CDK12: variants seen among roughly 807,000 people sequenced by gnomAD.
CDK12 encodes the protein cyclin dependent kinase 12.
In CDK12, 17 loss-of-function variants were observed where a neutral mutation model predicts 133.8. The ratio of observed to expected loss-of-function variants is 0.13; its 90% CI spans 0.09 to 0.19. The LOEUF is 0.19. CDK12 is among the 10% of genes least tolerant of loss of function. The pLI is 1.00. For missense variants in CDK12, 1,508 were observed against 1,818.7 expected (o/e 0.83, Z 3.11); for synonymous variants, 694 against 683.6 (o/e 1.02, Z -0.24).
chr17:39,519,926 A>G (rs1190058817), intron 10 of CDK12, 30 bp from the exon 11 acceptor site: 1 of 1,612,942 alleles, frequency 6.2e-7, no homozygotes, highest in East Asian at 2.2e-5. Flanking sequence ...GGTCATTGTG[A>G]ACTTGTCCTT....
At chr17:39,522,900 A>C (rs1047476726) in intron 11 of CDK12, among the ~76,000 whole-genome samples, 1 of 151,760 alleles carries the variant, frequency 6.6e-6, no homozygotes, top group African/African-American at 2.4e-5. Flanking sequence ...AAAAATACAA[A>C]AAATTAACCA....
chr17:39,482,314 G>T (rs2050777364), intron 2 of CDK12, among the ~76,000 whole-genome samples: 1 of 151,930 alleles, frequency 6.6e-6, no homozygotes, highest in Non-Finnish European at 1.5e-5. Context: ...ACCTGGCCTT[G>T]CTCTGTTTTT....
intron 1 of CDK12, among the ~76,000 whole-genome samples, chr17:39,469,148 A>G (rs1446436534): frequency 1.3e-5 from 2 of 152,068 alleles, no homozygotes; most frequent in Non-Finnish European, 2.9e-5. Context: ...TTGTTTTGTC[A>G]CACATTGAGG....
intron 1 of CDK12, among the ~76,000 whole-genome samples, chr17:39,539,993 G>A (rs2055334559): frequency 6.6e-6 from 1 of 152,242 alleles, no homozygotes; most frequent in Admixed American, 6.5e-5. Flanking sequence ...TTGTTAAGCA[G>A]TAGCAGGGAA....
At chr17:39,477,012 C>G (rs2050266018) in intron 2 of CDK12, among the ~76,000 whole-genome samples, 1 of 150,844 alleles carries the variant, frequency 6.6e-6, no homozygotes, top group Non-Finnish European at 1.5e-5. Context: ...CCAAGTCCAG[C>G]CCTAATCTAA....
intron 2 of CDK12, among the ~76,000 whole-genome samples, chr17:39,473,535 G>A (rs1478537773): frequency 6.6e-6 from 1 of 152,056 alleles, no homozygotes; most frequent in Admixed American, 6.6e-5. Context: ...TTGAACCCAG[G>A]AGTTCAAGAC....
intron 2 of CDK12, among the ~76,000 whole-genome samples, chr17:39,472,442 G>A (rs1174854748): frequency 6.6e-6 from 1 of 151,980 alleles, no homozygotes; most frequent in Non-Finnish European, 1.5e-5. Flanking sequence ...GGGAGGCTAG[G>A]GCAGGCAGAT....
At chr17:39,525,622 G>T (rs1251115926) in intron 12 of CDK12, among the ~76,000 whole-genome samples, 1 of 152,154 alleles carries the variant, frequency 6.6e-6, no homozygotes, top group Non-Finnish European at 1.5e-5. Flanking sequence ...GAAAAATACA[G>T]ATAAAGTGAA....
At chr17:39,552,237 C>T (rs564849674) in intron 2 of CDK12, among the ~76,000 whole-genome samples, 3 of 152,262 alleles carry the variant, frequency 2.0e-5, no homozygotes, top group Non-Finnish European at 4.4e-5. Context: ...TCTAGGACCC[C>T]GTGCCTACTT....
chr17:39,551,147 G>T (rs1458360650), intron 2 of CDK12: 1 of 152,194 alleles, frequency 6.6e-6, no homozygotes, highest in Non-Finnish European at 1.5e-5. Flanking sequence ...GGAAAGGTAG[G>T]TAGGTGTTGG....
chr17:39,482,599 A>ATTTT lies in CDK12; in HGVS notation c.1932-7940_1932-7937dup, dbSNP rs71147345. On this transcript the variant is annotated intron_variant, in intron 2 of 13. Coordinates refer to ENST00000447079, the MANE Select transcript of CDK12 (RefSeq NM_016507.4). Reference sequence around the variant, plus strand: ...GCTGCCAAAGTGAACAATCAACTACATTTTTTTTTTTTTTTTTTTTTGAGG... The same window carrying ATTTT: ...GCTGCCAAAGTGAACAATCAACTACATTTTTTTTTTTTTTTTTTTTTTTTTGAGG... Among the ~76,000 whole-genome samples, 4 of 74,422 alleles carry ATTTT rather than the reference A, an allele frequency of 5.4e-5. 1 individual carries two copies. The highest frequency in any genetic ancestry group is 1.1e-4 in the Non-Finnish European group (4 of 37,772). 48.8% of individuals were successfully genotyped at this position (74,422 alleles called of 152,430 possible).
At chr17:39,552,985 T>A (rs1469945514) in intron 2 of CDK12, among the ~76,000 whole-genome samples, 1 of 152,198 alleles carries the variant, frequency 6.6e-6, no homozygotes, top group Non-Finnish European at 1.5e-5. Context: ...TGCCTCGGCC[T>A]CCCAAAGTAC....
intron 2 of CDK12, among the ~76,000 whole-genome samples, chr17:39,488,602 C>A (rs1285646935): frequency 6.6e-6 from 1 of 151,938 alleles, no homozygotes; most frequent in Non-Finnish European, 1.5e-5. Flanking sequence ...ATTTTTGCAC[C>A]TCTTTAGCGA....
At chr17:39,494,739 C>T (rs2145917949) in intron 5 of CDK12, 45 bp downstream of exon 5, 13 of 1,117,350 alleles carry the variant, frequency 1.2e-5, no homozygotes, top group South Asian at 4.7e-5. Flanking sequence ...CTGGTCCAAT[C>T]TTTGCCTTTC....
intron 11 of CDK12, among the ~76,000 whole-genome samples, chr17:39,522,981 A>G (rs1045452257): frequency 5.8e-4 from 88 of 152,032 alleles, no homozygotes; most frequent in African/African-American, 1.9e-3. Flanking sequence ...TGAACTCGGG[A>G]GGTGGAGGTT....
intron 2 of CDK12, among the ~76,000 whole-genome samples, chr17:39,481,843 C>T (rs1290362421): frequency 2.6e-5 from 4 of 151,776 alleles, no homozygotes; most frequent in Non-Finnish European, 5.9e-5. Flanking sequence ...GCCTCACCCT[C>T]CCAAGTAGCT....
chr17:39,481,650 CTCTCT>C (rs2050685351), intron 2 of CDK12, among the ~76,000 whole-genome samples: 11 of 15,770 alleles, frequency 7.0e-4, no homozygotes, highest in Non-Finnish European at 1.8e-3. Context: ...CTCTCTCTCT[CTCTCT>C]CTCTCTCTCT....
In CDK12 at chr17:39,532,130, C is replaced by CTCTCTCTCTCTCTG; in HGVS notation, c.*819_*832dup. ...TCTCTCTCTCTCTCTCTCTCTCTCT[C>CTCTCTCTCTCTCTG]TCTCTCTCTCTCTGTCTCGCTTGCT... is the stretch of plus-strand genomic sequence containing the variant. On this transcript the variant is annotated 3_prime_UTR_variant, in exon 14 of 14. Coordinates refer to ENST00000447079, the MANE Select transcript of CDK12 (RefSeq NM_016507.4). 1 of 229,992 alleles carries CTCTCTCTCTCTCTG rather than the reference C, an allele frequency of 4.3e-6. No homozygotes were observed. Among genetic ancestry groups the CTCTCTCTCTCTCTG allele is most frequent in the East Asian group, 6.0e-5 (1 of 16,650 alleles). 14.2% of individuals were successfully genotyped at this position (229,992 alleles called of 1,614,324 possible).
rs1279207496 is a variant in CDK12 at position 39,533,907 on chromosome 17, A to C, written c.*2591A>C. On this transcript the variant is annotated 3_prime_UTR_variant, in exon 14 of 14. Transcript: ENST00000447079. The stretch of plus-strand genomic sequence containing the variant: ...CATGATGGAAGTAAAGGTTTGGCAG[A>C]ATTTCACCTTGACTATTTGAAAATT... The C allele has an allele frequency of 4.3e-6, 1 of 232,144 alleles. No individual in the cohort carries two copies. Among genetic ancestry groups the C allele is most frequent in the Admixed American group, 5.6e-5 (1 of 17,752 alleles). The allele number at this position is 232,144 out of a possible 1,614,324, so 14.4% of individuals were successfully genotyped here.
Sources: gnomAD v4.1 joint callset for allele counts (sites outside exome capture counted in the v4.1 genomes callset) on GRCh38, gnomAD v4.1.1 for gene constraint, MANE v1.5 for transcripts, NCBI Gene and HGNC (gene_info 2026-07-23, HGNC 2026-07-21) for gene names.